AHNAK: variants seen among roughly 807,000 people sequenced by gnomAD.
AHNAK encodes the protein AHNAK nucleoprotein.
AHNAK carries 23 observed loss-of-function variants against 37.8 expected under a neutral mutation model. That is an observed-to-expected ratio of 0.61 (90% CI 0.44 to 0.86). AHNAK has a LOEUF of 0.86. Ranked by LOEUF, AHNAK falls within the 40% of genes least tolerant of loss-of-function variation. The pLI is 0.00. For missense variants in AHNAK, 7,411 were observed against 7,319.4 expected (o/e 1.01, Z -0.46); for synonymous variants, 2,481 against 2,636.3 (o/e 0.94, Z 1.80).
At position 62,520,703 on chromosome 11, in the gene AHNAK, G is replaced by T; in HGVS notation, c.13714C>A (p.Pro4572Thr). The T allele has an allele frequency of 6.2e-7, 1 of 1,614,068 alleles. No individual in the cohort carries two copies. The highest frequency in any genetic ancestry group is 8.5e-7 in the Non-Finnish European group (1 of 1,180,016). Residue 4572 changes from proline to threonine, a missense_variant, in exon 5 of 5, where the codon CCA becomes ACA. Transcript: ENST00000378024. ...TTGGGGCCCTTCAGTTTCCCTTCTGGACCATGAATGTCAATATCAGGAGTG... is the reference window on the plus strand; with the variant it reads ...TTGGGGCCCTTCAGTTTCCCTTCTGTACCATGAATGTCAATATCAGGAGTG... Reference protein sequence around the residue: ...IDTPDIDIHGPEGKLKGPKFK... With the variant: ...IDTPDIDIHGTEGKLKGPKFK...
rs779273276 is a variant in AHNAK at position 62,528,418 on chromosome 11, C to T, written c.5999G>A (p.Gly2000Asp). ...ATCCATATCCCCTTTGACTTTGGGG[C>T]CTTTCAGGTGTAAGTCCACATCAGG... ...SMPDVDLHLKGPKVKGDMDVS... is the reference protein window; with the variant it reads ...SMPDVDLHLKDPKVKGDMDVS... The change falls in exon 5 of 5, where the codon GGC (glycine) becomes GAC (aspartate). Residue 2000 changes from glycine to aspartate, a missense_variant. Transcript: ENST00000378024. 5.6e-6 allele frequency: 9 copies of T among 1,613,850 alleles called. No individual in the cohort carries two copies. The highest frequency in any genetic ancestry group is 7.6e-6 in the Non-Finnish European group (9 of 1,179,978).
At chr11:62,542,862 G>A (rs766269316) in intron 1 of AHNAK, among the ~76,000 whole-genome samples, 5 of 152,188 alleles carry the variant, frequency 3.3e-5, no homozygotes, top group Non-Finnish European at 7.4e-5. Flanking sequence ...GCCCTGTGGG[G>A]TAGATTACAG....
Position 62,528,069 on chromosome 11 carries a change from CT to C in AHNAK, c.6347del (p.Lys2116ArgfsTer11). On this transcript the variant is annotated frameshift_variant, in exon 5 of 5. Transcript: ENST00000378024. LOFTEE classifies it low-confidence loss of function (END_TRUNC). ...GTAAGTCCACATCAGGCATGGAGAT[CT>C]TGGGGGCCTTGAAGTGCATCTCAGG... ...KMPEMHFKAP[K>X]ISMPDVDLHL... The C allele has an allele frequency of 6.2e-7, 1 of 1,613,308 alleles. No individual in the cohort carries two copies. Among genetic ancestry groups the C allele is most frequent in the Non-Finnish European group, 8.5e-7 (1 of 1,179,828 alleles).
At chr11:62,478,306 C>T (rs113785799) in intron 5 of AHNAK, among the ~76,000 whole-genome samples, 49 of 152,370 alleles carry the variant, frequency 3.2e-4, no homozygotes, top group African/African-American at 1.1e-3. Flanking sequence ...ACTGGACCCT[C>T]CAGCCCCTGA....
At position 62,532,040 on chromosome 11, in the gene AHNAK, T is replaced by C; in HGVS notation, c.2377A>G (p.Ser793Gly). ...AATTTCCCTTCTGGTTCCTCAATGC[T>C]CACATCAGGAGCAGTAACATCTATC... The part of the protein sequence containing the change: ...PKIDVTAPDV[S>G]IEEPEGKLKG... The change falls in exon 5 of 5, where the codon AGC becomes GGC. Residue 793 changes from serine (S) to glycine (G), a missense_variant. By Grantham distance (56) the Ser-to-Gly change is moderately conservative. Transcript: ENST00000378024. 6.2e-7 allele frequency: 1 copy of C among 1,613,068 alleles called. No individual in the cohort carries two copies. Among genetic ancestry groups the C allele is most frequent in the Non-Finnish European group, 8.5e-7 (1 of 1,179,878 alleles).
At chr11:62,495,177 C>CA (rs1371818229) in intron 4 of AHNAK, among the ~76,000 whole-genome samples, 5 of 147,390 alleles carry the variant, frequency 3.4e-5, no homozygotes, top group East Asian at 2.0e-4. Context: ...CCAACCCGGG[C>CA]AAAAAAAAAG....
At chr11:62,442,823 G>T (rs1938337257) in intron 5 of AHNAK, among the ~76,000 whole-genome samples, 2 of 151,568 alleles carry the variant, frequency 1.3e-5, no homozygotes, top group Admixed American at 1.3e-4. Flanking sequence ...AGCCGAGATT[G>T]TGCCACTGCA....
At chr11:62,486,387 C>T (rs755767532) in intron 5 of AHNAK, among the ~76,000 whole-genome samples, 55 of 152,206 alleles carry the variant, frequency 3.6e-4, no homozygotes, top group Non-Finnish European at 6.9e-4. Context: ...GCAGGAGAAT[C>T]GCTTGAACCC....
At position 62,516,679 on chromosome 11, in the gene AHNAK, GA is replaced by G; in HGVS notation, c.*64del. On this transcript the variant is annotated 3_prime_UTR_variant, in exon 5 of 5. Transcript: ENST00000378024. ...GTGTTTCCCTTTGGAGTTTATATAG[GA>G]ACACACCACCCAAGGCTGATGTTTT... 1 of 1,522,030 alleles carries G rather than the reference GA, an allele frequency of 6.6e-7. No homozygotes were observed. The highest frequency in any genetic ancestry group is 8.8e-7 in the Non-Finnish European group (1 of 1,140,518). 94.3% of individuals were successfully genotyped at this position (1,522,030 alleles called of 1,614,324 possible). A position where few individuals can be genotyped will look rare whatever the true frequency, so the allele number is the denominator to read the frequency against.
intron 5 of AHNAK, among the ~76,000 whole-genome samples, chr11:62,475,557 G>T (rs562264815): frequency 1.4e-5 from 2 of 146,874 alleles, no homozygotes; most frequent in Non-Finnish European, 3.0e-5. Context: ...TGAAATTTGC[G>T]TTTGATATTG....
chr11:62,493,655 TG>T (rs112520121), intron 4 of AHNAK, among the ~76,000 whole-genome samples: 21,545 of 150,836 alleles, frequency 0.14, 3,859 homozygotes, highest in African/African-American at 0.42. Flanking sequence ...TTTTAAGAGA[TG>T]GGGGGGGTCC....
At position 62,526,678 on chromosome 11, in the gene AHNAK, G is replaced by C; in HGVS notation, c.7739C>G (p.Ser2580Cys). The C allele has an allele frequency of 1.2e-6, 2 of 1,612,068 alleles. No homozygotes were observed. Among genetic ancestry groups the C allele is most frequent in the Non-Finnish European group, 1.7e-6 (2 of 1,179,528 alleles). ...CAGATGCAAATCAAAGTCAGGCATG[G>C]AGATCTTGGGGGCTTTGATGTTCAT... is the stretch of plus-strand genomic sequence containing the variant. ...PEMNIKAPKI[S>C]MPDFDLHLKG... Residue 2580 changes from serine to cysteine, a missense_variant, in exon 5 of 5, where the codon TCC (serine) becomes TGC (cysteine). Ser to Cys is a moderately radical substitution (Grantham distance 112, BLOSUM62 -1). Transcript: ENST00000378024.
intron 4 of AHNAK, among the ~76,000 whole-genome samples, chr11:62,510,239 T>C (rs1470819099): frequency 1.3e-5 from 2 of 151,154 alleles, no homozygotes; most frequent in East Asian, 4.1e-4. Flanking sequence ...GAGATGGGGT[T>C]TCACTATGTT....
chr11:62,433,710 T>A, exon 6 of AHNAK: 1 of 788,442 alleles, frequency 1.3e-6, no homozygotes, highest in Non-Finnish European at 2.1e-6. Context: ...CTGGCCTGGC[T>A]GGAGCTATAA....
At chr11:62,458,233 T>C (rs1938710329) in intron 5 of AHNAK, among the ~76,000 whole-genome samples, 1 of 152,092 alleles carries the variant, frequency 6.6e-6, no homozygotes, top group African/African-American at 2.4e-5. Context: ...AGCTGAAATT[T>C]TTTTAAAAAG....
chr11:62,483,157 G>A (rs1411024328), intron 5 of AHNAK, among the ~76,000 whole-genome samples: 1 of 152,176 alleles, frequency 6.6e-6, no homozygotes, highest in East Asian at 1.9e-4. Flanking sequence ...AGACCCCGAA[G>A]GCCCAGGGCC....
intron 5 of AHNAK, among the ~76,000 whole-genome samples, chr11:62,455,871 A>G (rs539551458): frequency 2.3e-4 from 34 of 149,798 alleles, no homozygotes; most frequent in Non-Finnish European, 3.4e-4. Flanking sequence ...CCCCCCAAAA[A>G]AAAAAAAACT....
intron 5 of AHNAK, among the ~76,000 whole-genome samples, chr11:62,488,184 C>A (rs998751462): frequency 6.6e-6 from 1 of 152,182 alleles, no homozygotes; most frequent in Admixed American, 6.5e-5. Context: ...AGACATTATG[C>A]ACCCAGTGTA....
chr11:62,535,861 T>C, intron 3 of AHNAK, 84 bp downstream of exon 3: 1 of 1,516,152 alleles, frequency 6.6e-7, no homozygotes, highest in Non-Finnish European at 8.8e-7. Flanking sequence ...CTCACCCACT[T>C]CTGCCTGCTC....
Sources: gnomAD v4.1 joint callset for allele counts (sites outside exome capture counted in the v4.1 genomes callset) on GRCh38, gnomAD v4.1.1 for gene constraint, MANE v1.5 for transcripts, NCBI Gene and HGNC (gene_info 2026-07-23, HGNC 2026-07-21) for gene names.